CPB1: variants seen among roughly 807,000 people sequenced by gnomAD.
CPB1 encodes carboxypeptidase B1.
In CPB1, 53 loss-of-function variants were observed where a neutral mutation model predicts 51.4. That is an observed-to-expected ratio of 1.03 (90% CI 0.83 to 1.30). CPB1 has a LOEUF of 1.30. Among genes scored for constraint, CPB1 ranks in the 50% most tolerant of loss-of-function variants. The pLI is 0.00. For synonymous variants in CPB1, 189 were observed against 186.9 expected, an observed-to-expected ratio of 1.01 and a Z score of -0.09; for missense variants, 494 against 516.2, an observed-to-expected ratio of 0.96 and a Z score of 0.42.
chr3:148,831,121 T>C (rs910611276), intron 2 of CPB1, among the ~76,000 whole-genome samples: 2 of 152,224 alleles, frequency 1.3e-5, no homozygotes, highest in Non-Finnish European at 2.9e-5. Flanking sequence ...TCATCTATAA[T>C]TGAATATTAA....
At chr3:148,849,389 T>C (rs1164950970) in intron 9 of CPB1, among the ~76,000 whole-genome samples, 14 of 152,194 alleles carry the variant, frequency 9.2e-5, no homozygotes, top group Admixed American at 2.6e-4. Context: ...AGAAAAACAA[T>C]GAATTTAGAT....
chr3:148,844,419 T>C, intron 6 of CPB1, 59 bp from the exon 7 acceptor site: 2 of 1,304,070 alleles, frequency 1.5e-6, no homozygotes. Context: ...TCTTTGTAAA[T>C]TTTAACAGCA....
intron 8 of CPB1, among the ~76,000 whole-genome samples, chr3:148,845,206 C>A (rs945371204): frequency 1.3e-5 from 2 of 152,104 alleles, no homozygotes; most frequent in Non-Finnish European, 2.9e-5. Flanking sequence ...ATTGGTGATT[C>A]CATATGCAAC....
intron 2 of CPB1, among the ~76,000 whole-genome samples, chr3:148,830,354 G>A (rs1368633759): frequency 6.6e-6 from 1 of 152,128 alleles, no homozygotes; most frequent in Non-Finnish European, 1.5e-5. Context: ...CAAGAGCAGA[G>A]AGTCTGGACT....
intron 5 of CPB1, 77 bp from the exon 6 acceptor site, chr3:148,841,746 C>A: frequency 8.9e-7 from 1 of 1,121,368 alleles, no homozygotes; most frequent in Non-Finnish European, 1.3e-6. Context: ...AGTCTCAAGC[C>A]CAGATGGGTA....
chr3:148,859,940 T>A lies in CPB1; in HGVS notation c.1192T>A (p.Cys398Ser). The A allele has an allele frequency of 6.2e-7, 1 of 1,614,200 alleles. No individual in the cohort carries two copies. The highest frequency in any genetic ancestry group is 8.5e-7 in the Non-Finnish European group (1 of 1,180,016). Residue 398 changes from cysteine (C) to serine (S), a missense_variant, in exon 11 of 11, where the codon TGC (cysteine) becomes AGC (serine). Physicochemically the swap from Cys to Ser is moderately radical, Grantham distance 112. Transcript: ENST00000282957. ...TCCAGAATCCCAGATCCGGGCTACCTGCGAGGAGACCTTCCTGGCAATCAA... is the reference window on the plus strand; with the variant it reads ...TCCAGAATCCCAGATCCGGGCTACCAGCGAGGAGACCTTCCTGGCAATCAA... ...LLPESQIRAT[C>S]EETFLAIKYV...
At chr3:148,858,857 T>C (rs1002247694) in intron 10 of CPB1, among the ~76,000 whole-genome samples, 1 of 152,184 alleles carries the variant, frequency 6.6e-6, no homozygotes, top group African/African-American at 2.4e-5. Flanking sequence ...GGAAAGAAAT[T>C]GAAACACACA....
At chr3:148,829,903 C>T (rs1399662415) in intron 2 of CPB1, among the ~76,000 whole-genome samples, 1 of 152,102 alleles carries the variant, frequency 6.6e-6, no homozygotes, top group East Asian at 1.9e-4. Context: ...GGGGTGTTAC[C>T]TAGGGGTAAC....
At chr3:148,853,400 T>G (rs1368648254) in intron 9 of CPB1, among the ~76,000 whole-genome samples, 1 of 152,188 alleles carries the variant, frequency 6.6e-6, no homozygotes, top group African/African-American at 2.4e-5. Flanking sequence ...TATCCTCTCC[T>G]TATTCATCTC....
At chr3:148,852,904 A>T (rs753769998) in intron 9 of CPB1, among the ~76,000 whole-genome samples, 5 of 152,084 alleles carry the variant, frequency 3.3e-5, no homozygotes, top group African/African-American at 4.8e-5. Flanking sequence ...CTCTAATCTC[A>T]GGGCCTCCTT....
At position 148,859,954 on chromosome 3, in the gene CPB1, C is replaced by T; in HGVS notation, c.1206C>T (p.Phe402=). 6.2e-7 allele frequency: 1 copy of T among 1,614,144 alleles called. No individual in the cohort carries two copies. Among genetic ancestry groups the T allele is most frequent in the Non-Finnish European group, 8.5e-7 (1 of 1,179,994 alleles). The change falls in exon 11 of 11, where the codon TTC becomes TTT. Residue 402 remains phenylalanine, a synonymous_variant. Transcript: ENST00000282957. ...SQIRATCEET[F]LAIKYVASYV... ...TCCGGGCTACCTGCGAGGAGACCTT[C>T]CTGGCAATCAAGTATGTTGCCAGCT...
At chr3:148,847,423 T>C (rs899146733) in intron 9 of CPB1, among the ~76,000 whole-genome samples, 1 of 145,272 alleles carries the variant, frequency 6.9e-6, no homozygotes, top group African/African-American at 2.6e-5. Flanking sequence ...CTTTAGAATA[T>C]TATGAATAAT....
chr3:148,845,378 A>C lies in CPB1; in HGVS notation c.779-46A>C, dbSNP rs370897496. On this transcript the variant is annotated intron_variant, in intron 8 of 10. Transcript: ENST00000282957. ...TGAAAGTTTAAAACATCCCCACAAG[A>C]ACTTCACTAGGTGATCCTTGCCATT... 1.0e-4 allele frequency: 160 copies of C among 1,565,328 alleles called. 2 individuals carry two copies. In the South Asian group the frequency reaches 1.6e-3, roughly 16 times the overall value.
Position 148,845,524 on chromosome 3 carries a change from ACT to A in CPB1, c.884_885del (p.Ser295PhefsTer27). ...CCCTGGCTGATTTCATCCGCAACAA[ACT>A]CTCTTCCATCAAGGCATATCTGACA... ...KALADFIRNK[L>X]SSIKAYLTIH... On this transcript the variant is annotated frameshift_variant, in exon 9 of 11. Transcript: ENST00000282957. LOFTEE classifies it high-confidence loss of function. 1 of 1,613,810 alleles carries A rather than the reference ACT, an allele frequency of 6.2e-7. No individual in the cohort carries two copies. Among genetic ancestry groups the A allele is most frequent in the Non-Finnish European group, 8.5e-7 (1 of 1,179,854 alleles).
intron 5 of CPB1, 85 bp downstream of exon 5, chr3:148,841,060 C>T (rs1443349325): frequency 1.6e-5 from 17 of 1,095,062 alleles, no homozygotes; most frequent in African/African-American, 1.6e-5. Flanking sequence ...TTCACAGACA[C>T]GCTTATCCCA....
chr3:148,859,626 A>G (rs1305262513), intron 10 of CPB1, among the ~76,000 whole-genome samples, 189 bp from the exon 11 acceptor site: 1 of 152,220 alleles, frequency 6.6e-6, no homozygotes, highest in East Asian at 1.9e-4. Context: ...AAGTGGTGAT[A>G]CGTTTAATAA....
intron 3 of CPB1, among the ~76,000 whole-genome samples, chr3:148,837,523 C>T (rs114173193): frequency 3.1e-3 from 460 of 146,684 alleles, no homozygotes; most frequent in African/African-American, 0.011. Flanking sequence ...CACTATAAAA[C>T]GAGCATATAA....
chr3:148,848,237 T>C (rs1189570270), intron 9 of CPB1, among the ~76,000 whole-genome samples: 1 of 152,196 alleles, frequency 6.6e-6, no homozygotes, highest in East Asian at 1.9e-4. Context: ...GTATTAACAG[T>C]TTTACAGTTT....
rs1320603172 is a variant in CPB1, at chr3:148,845,412, A to G, written c.779-12A>G. ...AGGTGATCCTTGCCATTAACATCAT[A>G]TGTTTTTCCAGAAATTGGAGCCTCT... On this transcript the variant is annotated splice_polypyrimidine_tract_variant and intron_variant, in intron 8 of 10. Transcript: ENST00000282957. 1 of 1,612,540 alleles carries G rather than the reference A, an allele frequency of 6.2e-7. No homozygotes were observed. The highest frequency in any genetic ancestry group is 8.5e-7 in the Non-Finnish European group (1 of 1,178,566).
Sources: allele counts gnomAD v4.1 joint callset (sites outside exome capture counted in the v4.1 genomes callset), GRCh38; gene constraint gnomAD v4.1.1; transcripts MANE v1.5; gene names NCBI Gene and HGNC (gene_info 2026-07-23, HGNC 2026-07-21).